PIK3C2G: variants seen among roughly 807,000 people sequenced by gnomAD.
PIK3C2G encodes the protein phosphatidylinositol 3-kinase C2 domain-containing subunit gamma.
PIK3C2G carries 168 observed loss-of-function variants against 181.1 expected under a neutral mutation model. The observed-to-expected ratio is 0.93, with a 90% CI of 0.82 to 1.05. The LOEUF (loss-of-function observed/expected upper bound fraction) is 1.05. Ranked by LOEUF, PIK3C2G falls within the 50% of genes least tolerant of loss-of-function variation. The probability of loss-of-function intolerance (pLI) is 0.00; values close to 1 mark genes in which losing one functional copy is unlikely to be tolerated. For synonymous variants in PIK3C2G, 573 were observed against 592.2 expected (o/e 0.97, Z 0.47); for missense variants, 1,869 against 1,732.8 (o/e 1.08, Z -1.40).
chr12:18,676,999 G>A, the PIK3C2G span, among the ~76,000 whole-genome samples: 1 of 152,080 alleles, frequency 6.6e-6, no homozygotes, highest in East Asian at 1.9e-4. Context: ...TTACTGAACA[G>A]ATATTTGTCA....
intron 18 of PIK3C2G, among the ~76,000 whole-genome samples, chr12:18,486,347 C>T (rs1360954979): frequency 6.6e-6 from 1 of 152,006 alleles, no homozygotes; most frequent in East Asian, 1.9e-4. Flanking sequence ...TGTGACTCTC[C>T]CCTGCTCGGT....
chr12:18,248,489 T>C (rs1397081945), intron 1 of PIK3C2G, among the ~76,000 whole-genome samples: 1 of 151,988 alleles, frequency 6.6e-6, no homozygotes, highest in Non-Finnish European at 1.5e-5. Flanking sequence ...AGGAGAATGG[T>C]GTGAACCCGG....
Position 18,421,899 on chromosome 12 carries a change from G to T in PIK3C2G, c.2409+865G>T, listed in dbSNP as rs144513342. Among the ~76,000 whole-genome samples, 9 of 152,036 alleles carry T rather than the reference G, an allele frequency of 5.9e-5. No homozygotes were observed. The East Asian group carries it at 1.7e-3, about 29-fold the overall frequency. On this transcript the variant is annotated intron_variant, in intron 17 of 32. Transcript: ENST00000538779. ...TAGAGTATGACTGCACAGAGATTAT[G>T]AATTTCTCTGAAGTTCTCCTTAAAA...
At position 18,290,921 on chromosome 12, in the gene PIK3C2G, A is replaced by T; in HGVS notation, c.828A>T (p.Thr276=). The T allele has an allele frequency of 6.3e-7, 1 of 1,590,538 alleles. No individual in the cohort carries two copies. The highest frequency in any genetic ancestry group is 8.6e-7 in the Non-Finnish European group (1 of 1,158,722). ...CTGGGAAGATCTGGAGCACTACTAC[A>T]GCATTTCCGTATCAGCTCTTTTCTA... The part of the protein sequence containing the change: ...FNSGKIWSTT[T]AFPYQLFSKT... The change falls in exon 4 of 33, where the codon ACA becomes ACT. Residue 276 remains threonine (T), a synonymous_variant. Coordinates refer to ENST00000538779, the MANE Select transcript of PIK3C2G (RefSeq NM_001288772.2).
the PIK3C2G span, chr12:18,701,873 T>C: frequency 6.0e-6 from 9 of 1,498,370 alleles, no homozygotes; most frequent in Non-Finnish European, 8.0e-6. Flanking sequence ...CCAATTAGCC[T>C]ACAGTAATAA....
chr12:18,309,819 A>G (rs1233008444), intron 5 of PIK3C2G, among the ~76,000 whole-genome samples: 2 of 151,826 alleles, frequency 1.3e-5, no homozygotes, highest in African/African-American at 4.8e-5. Flanking sequence ...TGTAGACAAC[A>G]TTTTGATAAC....
At chr12:18,476,341 G>A (rs1276841741) in intron 18 of PIK3C2G, among the ~76,000 whole-genome samples, 11 of 152,264 alleles carry the variant, frequency 7.2e-5, no homozygotes, top group Admixed American at 6.5e-4. Context: ...TATGTTTGGG[G>A]TGGAAGAACA....
intron 8 of PIK3C2G, among the ~76,000 whole-genome samples, 167 bp downstream of exon 8, chr12:18,325,265 A>T (rs1197107148): frequency 6.6e-6 from 1 of 152,236 alleles, no homozygotes; most frequent in Admixed American, 6.5e-5. Context: ...CTAGAAAGGC[A>T]TATGCAGTAA....
chr12:18,358,643 G>T, intron 11 of PIK3C2G: 1 of 488,058 alleles, frequency 2.0e-6, no homozygotes. Context: ...CCTATCCTCA[G>T]CTGGTCAGCA....
At chr12:18,610,121 T>C (rs1948258548) in intron 31 of PIK3C2G, among the ~76,000 whole-genome samples, 2 of 152,030 alleles carry the variant, frequency 1.3e-5, no homozygotes, top group Admixed American at 6.6e-5. Context: ...TCAGAGGCAA[T>C]GATGGTAACT....
intron 4 of PIK3C2G, 46 bp downstream of exon 4, chr12:18,291,058 A>G (rs747405392): frequency 2.6e-6 from 3 of 1,174,482 alleles, no homozygotes; most frequent in Non-Finnish European, 2.5e-6. Context: ...CAAAGCTGGT[A>G]TTGGCGACGT....
intron 15 of PIK3C2G, among the ~76,000 whole-genome samples, chr12:18,397,261 T>A (rs1943950321): frequency 1.3e-5 from 2 of 151,982 alleles, no homozygotes; most frequent in South Asian, 4.1e-4. Flanking sequence ...AATGTTTTCT[T>A]AAACAAATAA....
At chr12:18,445,840 G>A (rs1021209582) in intron 18 of PIK3C2G, among the ~76,000 whole-genome samples, 4 of 152,048 alleles carry the variant, frequency 2.6e-5, no homozygotes, top group South Asian at 2.1e-4. Flanking sequence ...TACTATTCAC[G>A]TAAAAGAAAT....
rs747075150 is a variant in PIK3C2G, at chr12:18,282,718, C to T, written c.637C>T (p.Gln213Ter). The T allele has an allele frequency of 6.2e-7, 1 of 1,611,524 alleles. No individual in the cohort carries two copies. Among genetic ancestry groups the T allele is most frequent in the Admixed American group, 1.7e-5 (1 of 59,670 alleles). The change falls in exon 2 of 33, where the codon CAA becomes TAA. Residue 213 changes from glutamine to a stop codon, truncating the protein, a stop_gained. Coordinates refer to ENST00000538779, the MANE Select transcript of PIK3C2G (RefSeq NM_001288772.2). LOFTEE classifies it high-confidence loss of function. ...TTTGATGCTTTTGAAAGGCTCTCTT[C>T]AACCCGGAATGTGGGAAAGTACATG... ...PSLMLLKGSL[Q>*]PGMWESTWQK...
the PIK3C2G span, chr12:18,693,586 G>A: frequency 2.5e-6 from 4 of 1,592,020 alleles, no homozygotes; most frequent in East Asian, 8.9e-5. Flanking sequence ...GACGGGAATT[G>A]TTTCGAGTTG....
At chr12:18,697,649 C>G in the PIK3C2G span, among the ~76,000 whole-genome samples, 7 of 152,152 alleles carry the variant, frequency 4.6e-5, no homozygotes, top group Non-Finnish European at 8.8e-5. Context: ...CTGATAACCA[C>G]TGATAACTCC....
At chr12:18,326,608 T>C (rs1951356386) in intron 8 of PIK3C2G, among the ~76,000 whole-genome samples, 1 of 152,158 alleles carries the variant, frequency 6.6e-6, no homozygotes, top group Non-Finnish European at 1.5e-5. Flanking sequence ...CCTAATTCTA[T>C]TTTTTCTGCT....
At chr12:18,513,877 T>G (rs1369900006) in intron 24 of PIK3C2G, among the ~76,000 whole-genome samples, 1 of 151,832 alleles carries the variant, frequency 6.6e-6, no homozygotes, top group Non-Finnish European at 1.5e-5. Context: ...TGTTATTTCC[T>G]TTCATTTGCC....
chr12:18,502,038 A>C (rs927207128), intron 22 of PIK3C2G, among the ~76,000 whole-genome samples: 2 of 152,220 alleles, frequency 1.3e-5, no homozygotes, highest in African/African-American at 2.4e-5. Flanking sequence ...TAAATCTGCT[A>C]TCTCCCTTAA....
Sources: allele counts gnomAD v4.1 joint callset (sites outside exome capture counted in the v4.1 genomes callset), GRCh38; gene constraint gnomAD v4.1.1; transcripts MANE v1.5; gene names NCBI Gene and HGNC (gene_info 2026-07-23, HGNC 2026-07-21).